The following RBFOX1 variants were observed in gnomAD, a reference collection of about 807,000 sequenced individuals.
RBFOX1 encodes RNA binding protein fox-1 homolog 1.
In RBFOX1, 8 loss-of-function variants were observed where a neutral mutation model predicts 57.7. The observed-to-expected ratio is 0.14, with a 90% CI of 0.08 to 0.25. The LOEUF (loss-of-function observed/expected upper bound fraction) is 0.25. Among genes scored for constraint, RBFOX1 ranks in the 10% least tolerant of loss-of-function variants. The pLI is 1.00. For missense variants in RBFOX1, 611 were observed against 548.5 expected, an observed-to-expected ratio of 1.11 and a Z score of -1.14; for synonymous variants, 326 against 222.4, an observed-to-expected ratio of 1.47 and a Z score of -4.15.
At chr16:6,550,146 C>G (rs1956191378) in intron 2 of RBFOX1, among the ~76,000 whole-genome samples, 1 of 152,088 alleles carries the variant, frequency 6.6e-6, no homozygotes, top group Non-Finnish European at 1.5e-5. Context: ...TCCCCTCTCT[C>G]TATCTCTCAC....
At chr16:5,864,047 C>T (rs188839043) in intron 3 of RBFOX1, among the ~76,000 whole-genome samples, 19 of 152,274 alleles carry the variant, frequency 1.2e-4, no homozygotes, top group African/African-American at 3.6e-4. Flanking sequence ...GATCCTCCCC[C>T]TCCTTTCACC....
At chr16:6,366,673 C>T (rs1455512510) in intron 2 of RBFOX1, among the ~76,000 whole-genome samples, 2 of 152,172 alleles carry the variant, frequency 1.3e-5, no homozygotes, top group Non-Finnish European at 2.9e-5. Context: ...TTTATTTAAT[C>T]TTCATAGCAA....
chr16:6,014,540 T>A (rs1736211069), upstream of RBFOX1, among the ~76,000 whole-genome samples: 1 of 152,156 alleles, frequency 6.6e-6, no homozygotes, highest in Admixed American at 6.5e-5. Context: ...AATAACTATA[T>A]ATTGAGTATC....
At chr16:6,160,405 T>C (rs1440965777) in intron 1 of RBFOX1, among the ~76,000 whole-genome samples, 2 of 152,140 alleles carry the variant, frequency 1.3e-5, no homozygotes, top group African/African-American at 4.8e-5. Context: ...GCAGCTAAAA[T>C]ATACTTGTCT....
intron 1 of RBFOX1, among the ~76,000 whole-genome samples, chr16:6,239,326 G>C (rs1230920598): frequency 6.6e-6 from 1 of 151,938 alleles, no homozygotes; most frequent in East Asian, 1.9e-4. Flanking sequence ...GCCCCACCGT[G>C]TCCGAAGGGA....
intron 4 of RBFOX1, among the ~76,000 whole-genome samples, chr16:6,005,344 C>T (rs1031273749): frequency 6.6e-6 from 1 of 152,224 alleles, no homozygotes; most frequent in Non-Finnish European, 1.5e-5. Flanking sequence ...TTCCCTTATG[C>T]AGTCATTCTG....
intron 3 of RBFOX1, among the ~76,000 whole-genome samples, chr16:5,848,818 G>C (rs1035845941): frequency 6.6e-6 from 1 of 151,926 alleles, no homozygotes; most frequent in African/African-American, 2.4e-5. Flanking sequence ...GCATGGTGGC[G>C]GACACCTGTA....
chr16:5,422,836 G>A (rs1325833671), intron 1 of RBFOX1, among the ~76,000 whole-genome samples: 12 of 137,856 alleles, frequency 8.7e-5, no homozygotes, highest in Admixed American at 4.3e-4. Context: ...GAGGAGGGAG[G>A]AGCAGAGAGA....
intron 1 of RBFOX1, among the ~76,000 whole-genome samples, chr16:5,244,219 C>G (rs940756600): frequency 6.6e-6 from 1 of 152,222 alleles, no homozygotes; most frequent in Non-Finnish European, 1.5e-5. Context: ...GTAACACAGA[C>G]AAAGCACAAA....
At chr16:6,608,159 T>A (rs2154021483) in intron 2 of RBFOX1, among the ~76,000 whole-genome samples, 1 of 152,328 alleles carries the variant, frequency 6.6e-6, no homozygotes, top group East Asian at 1.9e-4. Flanking sequence ...CTTTCTTAAC[T>A]CTTACCAGAC....
chr16:5,982,843 C>A (rs566948305), intron 4 of RBFOX1, among the ~76,000 whole-genome samples: 2 of 152,334 alleles, frequency 1.3e-5, no homozygotes, highest in South Asian at 4.1e-4. Flanking sequence ...TTGCTGTGTT[C>A]ACTATTATAT....
intron 4 of RBFOX1, among the ~76,000 whole-genome samples, chr16:7,447,061 C>G (rs1344282665): frequency 2.6e-5 from 4 of 151,902 alleles, no homozygotes; most frequent in African/African-American, 9.7e-5. Context: ...ATCTACCCGC[C>G]TTAGCCTCCC....
chr16:7,193,080 A>G (rs2152654410), intron 4 of RBFOX1, among the ~76,000 whole-genome samples: 1 of 152,296 alleles, frequency 6.6e-6, no homozygotes, highest in South Asian at 2.1e-4. Context: ...GCAAAGGAAA[A>G]TTAAGATTAC....
At chr16:7,375,542 T>C (rs1476395268) in intron 4 of RBFOX1, among the ~76,000 whole-genome samples, 2 of 151,882 alleles carry the variant, frequency 1.3e-5, no homozygotes, top group Non-Finnish European at 2.9e-5. Context: ...GTTTTGGGTG[T>C]TCCCAGCTGT....
intron 3 of RBFOX1, among the ~76,000 whole-genome samples, chr16:5,831,998 A>G (rs1373059929): frequency 6.6e-6 from 1 of 152,190 alleles, no homozygotes; most frequent in Non-Finnish European, 1.5e-5. Flanking sequence ...TAGCACTTTC[A>G]TCCTAGAGGG....
At chr16:5,803,858 C>T (rs551957156) in intron 3 of RBFOX1, among the ~76,000 whole-genome samples, 1 of 152,294 alleles carries the variant, frequency 6.6e-6, no homozygotes, top group East Asian at 1.9e-4. Context: ...CTTCTGCCTC[C>T]TGTCTGATAA....
At chr16:6,430,382 G>A (rs2094045646) in intron 2 of RBFOX1, among the ~76,000 whole-genome samples, 1 of 152,200 alleles carries the variant, frequency 6.6e-6, no homozygotes, top group South Asian at 2.1e-4. Context: ...ACAAAGAAAG[G>A]AAGTTTGGAT....
At chr16:7,062,892 CATTTTTTTTTTTTTTT>C (rs1418326666) in intron 4 of RBFOX1, among the ~76,000 whole-genome samples, 3 of 59,950 alleles carry the variant, frequency 5.0e-5, no homozygotes, top group Non-Finnish European at 6.6e-5. Flanking sequence ...AAATGATCGC[CATTTTTTTTTTTTTTT>C]TTTTTTTTTT....
At chr16:5,528,670 C>T (rs1032535184) in intron 2 of RBFOX1, among the ~76,000 whole-genome samples, 1 of 150,232 alleles carries the variant, frequency 6.7e-6, no homozygotes, top group African/African-American at 2.5e-5. Flanking sequence ...CCCTCCTGTC[C>T]TCTTTCTCTC....
Sources: allele counts gnomAD v4.1 joint callset (sites outside exome capture counted in the v4.1 genomes callset), GRCh38; gene constraint gnomAD v4.1.1; transcripts MANE v1.5; gene names NCBI Gene and HGNC (gene_info 2026-07-23, HGNC 2026-07-21).